The following BCL2L13 variants were observed in gnomAD, a reference collection of about 807,000 sequenced individuals.
The protein encoded by BCL2L13 is bcl-2-like protein 13.
In BCL2L13, 13 loss-of-function variants were observed where a neutral mutation model predicts 25.8. The observed-to-expected ratio is 0.50, with a 90% CI of 0.33 to 0.80. The LOEUF (loss-of-function observed/expected upper bound fraction) is 0.80, where lower values mean the gene tolerates loss of function less well. BCL2L13 is among the 30% of genes least tolerant of loss of function. The pLI, the probability that BCL2L13 is intolerant of heterozygous loss-of-function variation, is 0.02. For missense variants in BCL2L13, 504 were observed against 574.9 expected (o/e 0.88, Z 1.26); for synonymous variants, 244 against 230.3 (o/e 1.06, Z -0.54).
intron 6 of BCL2L13, among the ~76,000 whole-genome samples, chr22:17,723,689 C>CT (rs2061213603): frequency 6.6e-6 from 1 of 152,168 alleles, no homozygotes; most frequent in Non-Finnish European, 1.5e-5. Context: ...AATCCCAGCA[C>CT]TTTGGGAGGC....
chr22:17,691,222 T>G (rs2060094059), intron 4 of BCL2L13, among the ~76,000 whole-genome samples: 2 of 152,120 alleles, frequency 1.3e-5, no homozygotes, highest in Non-Finnish European at 2.9e-5. Context: ...TTCATATATT[T>G]TATATTCTGA....
chr22:17,695,408 G>A (rs1012688975), intron 4 of BCL2L13, among the ~76,000 whole-genome samples: 8 of 151,900 alleles, frequency 5.3e-5, no homozygotes, highest in African/African-American at 1.7e-4. Flanking sequence ...TGCAATCTCC[G>A]CCTCCCTGGT....
intron 2 of BCL2L13, among the ~76,000 whole-genome samples, chr22:17,663,097 G>T (rs951481412): frequency 6.6e-6 from 1 of 151,992 alleles, no homozygotes; most frequent in Admixed American, 6.6e-5. Flanking sequence ...TCTCAAACTC[G>T]TGGGCTCAAG....
upstream of BCL2L13, among the ~76,000 whole-genome samples, chr22:17,633,902 G>A (rs2058066704): frequency 6.6e-6 from 1 of 151,936 alleles, no homozygotes; most frequent in Admixed American, 6.6e-5. Context: ...GCTGGCTCTA[G>A]TAGATGAGAC....
At position 17,677,923 on chromosome 22, in the gene BCL2L13, G is replaced by T. The variant is rs1014351132; in HGVS notation, c.122-5291G>T. 5.9e-5 allele frequency among the ~76,000 whole-genome samples: 9 copies of T among 152,234 alleles called. No individual in the cohort carries two copies. The South Asian group carries it at 1.5e-3, about 25-fold the overall frequency. On this transcript the variant is annotated intron_variant, in intron 2 of 6. Coordinates refer to ENST00000317582, the MANE Select transcript of BCL2L13 (RefSeq NM_015367.4). Reference sequence around the variant, plus strand: ...TAGCTGGGCATGGTGGTGTGTACCTGTAGTGCCAGCTACTTGAGAGGCTGA... The same window carrying T: ...TAGCTGGGCATGGTGGTGTGTACCTTTAGTGCCAGCTACTTGAGAGGCTGA...
At chr22:17,666,471 C>T (rs1364862470) in intron 2 of BCL2L13, among the ~76,000 whole-genome samples, 2 of 151,898 alleles carry the variant, frequency 1.3e-5, no homozygotes, top group East Asian at 1.9e-4. Flanking sequence ...TTAACCATCC[C>T]CACCTCCTGC....
chr22:17,729,461 A>T lies in BCL2L13; in HGVS notation c.*1927A>T, dbSNP rs1049933998. On this transcript the variant is annotated 3_prime_UTR_variant, in exon 7 of 7. Transcript: ENST00000317582. ...CTAATTGCTATATTTGTGTTTGCAT[A>T]GGTGAAGAGCAAACTGGTGCGTTAT... 6.6e-6 allele frequency: 1 copy of T among 152,218 alleles called. No homozygotes were observed. The highest frequency in any genetic ancestry group is 1.5e-5 in the Non-Finnish European group (1 of 68,042). The allele number at this position is 152,218 out of a possible 1,614,324, so 9.4% of individuals were successfully genotyped here. A position where few individuals can be genotyped will look rare whatever the true frequency, so the allele number is the denominator to read the frequency against.
At chr22:17,644,618 C>A (rs1413836114) in intron 1 of BCL2L13, among the ~76,000 whole-genome samples, 1 of 151,244 alleles carries the variant, frequency 6.6e-6, no homozygotes, top group Non-Finnish European at 1.5e-5. Flanking sequence ...GTATGAGCCA[C>A]CACGCCCGAC....
chr22:17,653,692 C>T (rs1009827559), intron 1 of BCL2L13, among the ~76,000 whole-genome samples: 28 of 151,882 alleles, frequency 1.8e-4, no homozygotes, highest in African/African-American at 6.8e-4. Flanking sequence ...TTTGTAGAGA[C>T]AGGGTCTCAC....
At chr22:17,639,641 G>C (rs1270262252) in intron 1 of BCL2L13, among the ~76,000 whole-genome samples, 1 of 152,142 alleles carries the variant, frequency 6.6e-6, no homozygotes, top group Non-Finnish European at 1.5e-5. Flanking sequence ...ATTCAAAATA[G>C]CTATCTCACT....
rs1245014624 is a variant in BCL2L13, at chr22:17,680,522, AAAAAAAAAAAAAAAAAAAAG to A, written c.122-2684_122-2665del. 1.7e-3 allele frequency among the ~76,000 whole-genome samples: 150 copies of A among 88,652 alleles called. 4 individuals are homozygous for A. The highest frequency in any genetic ancestry group is 2.6e-3 in the Admixed American group (24 of 9,198). 58.2% of individuals were successfully genotyped at this position (88,652 alleles called of 152,430 possible). A position where few individuals can be genotyped will look rare whatever the true frequency, so the allele number is the denominator to read the frequency against. On this transcript the variant is annotated intron_variant, in intron 2 of 6. Transcript: ENST00000317582. ...GCGAGACTCTGTCTCAAAAAAAAAAAAAAAAAAAAAAAAAAAAAAGAAAAAAAGACTCATACCTAGAAAGG... is the reference window on the plus strand; with the variant it reads ...GCGAGACTCTGTCTCAAAAAAAAAAAAAAAAAAGACTCATACCTAGAAAGG...
chr22:17,718,132 G>A (rs940777947), intron 6 of BCL2L13, among the ~76,000 whole-genome samples: 8 of 151,314 alleles, frequency 5.3e-5, no homozygotes, highest in Non-Finnish European at 1.0e-4. Context: ...GGAGGGAAGG[G>A]GAAGATTGCT....
At chr22:17,707,335 T>A (rs1024630331) in intron 6 of BCL2L13, among the ~76,000 whole-genome samples, 1 of 152,216 alleles carries the variant, frequency 6.6e-6, no homozygotes, top group Non-Finnish European at 1.5e-5. Context: ...TTAATAATGA[T>A]CTGAGAGGCG....
intron 6 of BCL2L13, among the ~76,000 whole-genome samples, chr22:17,722,101 A>G (rs897456635): frequency 1.3e-5 from 2 of 152,054 alleles, no homozygotes; most frequent in Admixed American, 6.5e-5. Flanking sequence ...ATAAGTAGAT[A>G]TGTATATATG....
chr22:17,721,421 A>G (rs1244869844), intron 6 of BCL2L13, among the ~76,000 whole-genome samples: 1 of 151,200 alleles, frequency 6.6e-6, no homozygotes, highest in Non-Finnish European at 1.5e-5. Flanking sequence ...GCTTTATTCC[A>G]TTTAGTCCAG....
chr22:17,637,778 C>T (rs1347847293), upstream of BCL2L13, among the ~76,000 whole-genome samples: 1 of 152,130 alleles, frequency 6.6e-6, no homozygotes, highest in Non-Finnish European at 1.5e-5. Flanking sequence ...GCTTAAAAAG[C>T]ATCCTGTGGC....
intron 1 of BCL2L13, among the ~76,000 whole-genome samples, chr22:17,646,929 C>A (rs1343739573): frequency 1.1e-4 from 6 of 53,316 alleles, no homozygotes; most frequent in East Asian, 9.2e-4. Context: ...TGTGTATAAA[C>A]TACATATATA....
chr22:17,699,043 T>G (rs1338027406), intron 5 of BCL2L13, among the ~76,000 whole-genome samples: 1 of 152,206 alleles, frequency 6.6e-6, no homozygotes, highest in African/African-American at 2.4e-5. Context: ...TGTTCTTCTG[T>G]GTCTGTATTT....
At chr22:17,699,284 T>A (rs1254794841) in intron 5 of BCL2L13, among the ~76,000 whole-genome samples, 2 of 152,208 alleles carry the variant, frequency 1.3e-5, no homozygotes, top group Non-Finnish European at 2.9e-5. Flanking sequence ...TTAAATAGAT[T>A]GGTAGAGCAA....
Sources: gnomAD v4.1 joint callset for allele counts (sites outside exome capture counted in the v4.1 genomes callset) on GRCh38, gnomAD v4.1.1 for gene constraint, MANE v1.5 for transcripts, NCBI Gene and HGNC (gene_info 2026-07-23, HGNC 2026-07-21) for gene names.